CPNE8: variants seen among roughly 807,000 people sequenced by gnomAD.
CPNE8 encodes copine 8, also known as copine-8.
In CPNE8, 45 loss-of-function variants were observed where a neutral mutation model predicts 81.5. The ratio of observed to expected loss-of-function variants is 0.55; its 90% CI spans 0.44 to 0.71. The LOEUF is 0.71. CPNE8 is among the 30% of genes least tolerant of loss of function. The pLI is 0.00. For missense variants in CPNE8, 594 were observed against 672.1 expected, an observed-to-expected ratio of 0.88 and a Z score of 1.28; for synonymous variants, 252 against 226.3, an observed-to-expected ratio of 1.11 and a Z score of -1.02.
chr12:38,847,364 A>G (rs1047096647), intron 4 of CPNE8, among the ~76,000 whole-genome samples: 2 of 152,150 alleles, frequency 1.3e-5, no homozygotes, highest in African/African-American at 4.8e-5. Flanking sequence ...TTAAAAAGCA[A>G]TTGCTACCAA....
intron 19 of CPNE8, among the ~76,000 whole-genome samples, chr12:38,669,875 G>A (rs925422641): frequency 1.3e-5 from 2 of 152,130 alleles, no homozygotes; most frequent in East Asian, 1.9e-4. Context: ...GCAGAAAGAT[G>A]TATGGGAACA....
At chr12:38,859,687 A>C (rs1475137336) in intron 3 of CPNE8, among the ~76,000 whole-genome samples, 3 of 152,176 alleles carry the variant, frequency 2.0e-5, no homozygotes, top group Non-Finnish European at 4.4e-5. Flanking sequence ...AAAAAGCTAT[A>C]GTCATTAAAA....
At chr12:38,849,535 T>C (rs1943611986) in intron 3 of CPNE8, among the ~76,000 whole-genome samples, 1 of 152,212 alleles carries the variant, frequency 6.6e-6, no homozygotes, top group Admixed American at 6.5e-5. Context: ...AAATATTATC[T>C]TTTTAATAGG....
intron 10 of CPNE8, among the ~76,000 whole-genome samples, chr12:38,748,564 G>A (rs1406817683): frequency 6.6e-6 from 1 of 151,670 alleles, no homozygotes; most frequent in Non-Finnish European, 1.5e-5. Flanking sequence ...GCAGTGGCGT[G>A]ATCGCAGCTC....
At chr12:38,840,965 A>G (rs930096001) in intron 4 of CPNE8, among the ~76,000 whole-genome samples, 2 of 152,172 alleles carry the variant, frequency 1.3e-5, no homozygotes, top group Non-Finnish European at 2.9e-5. Context: ...TTCATTTCAA[A>G]TTTCTTGTGA....
In CPNE8 at chr12:38,740,367, T is replaced by C. The variant is rs180789184; in HGVS notation, c.723-10009A>G. Among the ~76,000 whole-genome samples, 4 of 152,320 alleles carry C rather than the reference T, an allele frequency of 2.6e-5. No homozygotes were observed. In the East Asian group the frequency reaches 7.7e-4, roughly 29 times the overall value. On this transcript the variant is annotated intron_variant, in intron 10 of 19. Coordinates refer to ENST00000331366, the MANE Select transcript of CPNE8 (RefSeq NM_153634.3). ...AAACAGGGACATTTGACTTCCTCTT[T>C]TCCTAATTGAATACTGTTTCTTTCT... is the stretch of plus-strand genomic sequence containing the variant.
chr12:38,778,046 C>A (rs1341816578), intron 6 of CPNE8, among the ~76,000 whole-genome samples: 2 of 152,134 alleles, frequency 1.3e-5, no homozygotes, highest in African/African-American at 2.4e-5. Flanking sequence ...CATCTACTTG[C>A]AGGAAAACAA....
chr12:38,859,390 G>T lies in CPNE8; in HGVS notation c.187-10728C>A, dbSNP rs146346489. ...ACTTGGTAATAAACTTAACTAAGAAGGTAAAAGACACTGAACACAAAGCAT... is the reference window on the plus strand; with the variant it reads ...ACTTGGTAATAAACTTAACTAAGAATGTAAAAGACACTGAACACAAAGCAT... On this transcript the variant is annotated intron_variant, in intron 3 of 19. Coordinates refer to ENST00000331366, the MANE Select transcript of CPNE8 (RefSeq NM_153634.3). Among the ~76,000 whole-genome samples, 1,416 of 151,872 alleles carry T rather than the reference G, an allele frequency of 9.3e-3. 19 individuals are homozygous for T. Among genetic ancestry groups the T allele is most frequent in the South Asian group, 0.039 (186 of 4,802 alleles).
chr12:38,842,463 T>C lies in CPNE8; in HGVS notation c.291-2508A>G, dbSNP rs993081036. Among the ~76,000 whole-genome samples, 5 of 152,100 alleles carry C rather than the reference T, an allele frequency of 3.3e-5. No individual in the cohort carries two copies. The East Asian group carries it at 9.6e-4, about 29-fold the overall frequency. On this transcript the variant is annotated intron_variant, in intron 4 of 19. Coordinates refer to ENST00000331366, the MANE Select transcript of CPNE8 (RefSeq NM_153634.3). ...AATACAATCCTCTTTCACTGTATTT[T>C]ACAAAGCTTTTTAAATACCATTATC...
chr12:38,774,324 T>C (rs138688574), intron 7 of CPNE8, among the ~76,000 whole-genome samples: 18 of 152,224 alleles, frequency 1.2e-4, no homozygotes, highest in Admixed American at 1.1e-3. Context: ...AAAAAGAACA[T>C]GTATCTTATT....
chr12:38,859,032 C>G lies in CPNE8; in HGVS notation c.187-10370G>C, dbSNP rs1278850636. ...AAACTGAAAGCTTTTCCTCTAAAAT[C>G]AGGAAAAAGGCAAAGATGACAATTC... On this transcript the variant is annotated intron_variant, in intron 3 of 19. Transcript: ENST00000331366. Among the ~76,000 whole-genome samples the G allele has an allele frequency of 5.9e-5, 9 of 151,984 alleles. 1 individual carries two copies. Among genetic ancestry groups the G allele is most frequent in the Admixed American group, 5.9e-4 (9 of 15,260 alleles).
rs77835165 is a variant in CPNE8 at position 38,892,611 on chromosome 12, G to T, written c.98+12826C>A. ...GCATTATAATGGTAGGGAAGTAATA[G>T]CATACATGACTCACAGTGTTGGCTT... On this transcript the variant is annotated intron_variant, in intron 1 of 19. Transcript: ENST00000331366. Among the ~76,000 whole-genome samples the T allele has an allele frequency of 2.0e-5, 3 of 152,280 alleles. No homozygotes were observed. In the East Asian group the frequency reaches 5.8e-4, roughly 29 times the overall value.
chr12:38,772,944 C>CAT (rs1217226119), intron 7 of CPNE8, among the ~76,000 whole-genome samples: 4 of 151,384 alleles, frequency 2.6e-5, no homozygotes, highest in African/African-American at 4.9e-5. Flanking sequence ...CACACACACA[C>CAT]ATATATATGT....
intron 1 of CPNE8, among the ~76,000 whole-genome samples, chr12:38,875,364 T>G (rs1404556660): frequency 6.6e-6 from 1 of 152,216 alleles, no homozygotes; most frequent in Non-Finnish European, 1.5e-5. Flanking sequence ...TAAAGCTATA[T>G]GCTTTTCTGA....
chr12:38,766,458 T>A (rs1000104751), intron 8 of CPNE8, among the ~76,000 whole-genome samples: 4 of 152,110 alleles, frequency 2.6e-5, no homozygotes, highest in Non-Finnish European at 5.9e-5. Flanking sequence ...ACACTGACAT[T>A]TTTACCATCA....
At chr12:38,736,045 T>C (rs889948633) in intron 10 of CPNE8, among the ~76,000 whole-genome samples, 2 of 151,924 alleles carry the variant, frequency 1.3e-5, no homozygotes, top group Non-Finnish European at 2.9e-5. Flanking sequence ...GGGAAATACA[T>C]AGATAAAACC....
chr12:38,711,204 C>G (rs189233715), intron 13 of CPNE8, among the ~76,000 whole-genome samples: 1 of 152,188 alleles, frequency 6.6e-6, no homozygotes, highest in Non-Finnish European at 1.5e-5. Flanking sequence ...TGTTGCATCA[C>G]TCAGTTCTTT....
At chr12:38,816,981 A>T (rs539605393) in intron 6 of CPNE8, among the ~76,000 whole-genome samples, 1 of 152,370 alleles carries the variant, frequency 6.6e-6, no homozygotes, top group African/African-American at 2.4e-5. Flanking sequence ...ATGATGCCAC[A>T]GCCCAATCAA....
intron 10 of CPNE8, among the ~76,000 whole-genome samples, chr12:38,733,876 T>C (rs1940894052): frequency 1.3e-5 from 2 of 151,946 alleles, no homozygotes; most frequent in South Asian, 4.1e-4. Flanking sequence ...TTATGCATAG[T>C]CACATTTATA....
Sources: allele counts gnomAD v4.1 joint callset (sites outside exome capture counted in the v4.1 genomes callset), GRCh38; gene constraint gnomAD v4.1.1; transcripts MANE v1.5; gene names NCBI Gene and HGNC (gene_info 2026-07-23, HGNC 2026-07-21).